The following NTM variants were observed in gnomAD, a reference collection of about 807,000 sequenced individuals.
NTM encodes neurotrimin.
A neutral mutation model predicts 42.1 loss-of-function variants in NTM; 13 were observed. That is an observed-to-expected ratio of 0.31 (90% CI 0.20 to 0.49). The LOEUF is 0.49. Among genes scored for constraint, NTM ranks in the 20% least tolerant of loss-of-function variants. NTM has a pLI of 0.99. For synonymous variants in NTM, 187 were observed against 179.2 expected, an observed-to-expected ratio of 1.04 and a Z score of -0.35; for missense variants, 373 against 452.8, an observed-to-expected ratio of 0.82 and a Z score of 1.60.
intron 2 of NTM, among the ~76,000 whole-genome samples, chr11:131,994,017 A>AAAAAAAAAAAG (rs566525065): frequency 7.2e-6 from 1 of 137,998 alleles, no homozygotes; most frequent in African/African-American, 2.8e-5. Flanking sequence ...AAAAAAAAAA[A>AAAAAAAAAAAG]AAGAAGAAGA....
chr11:132,232,704 T>G (rs2087870362), intron 4 of NTM, among the ~76,000 whole-genome samples: 1 of 152,196 alleles, frequency 6.6e-6, no homozygotes, highest in South Asian at 2.1e-4. Flanking sequence ...CATGAACACA[T>G]TACGCACATT....
intron 1 of NTM, among the ~76,000 whole-genome samples, chr11:131,880,695 C>T (rs994218121): frequency 7.2e-5 from 11 of 152,216 alleles, no homozygotes; most frequent in Admixed American, 7.2e-4. Flanking sequence ...CATATACACA[C>T]TCTCATTTGC....
intron 1 of NTM, among the ~76,000 whole-genome samples, chr11:131,403,978 T>C (rs2135706588): frequency 6.6e-6 from 1 of 152,274 alleles, no homozygotes; most frequent in South Asian, 2.1e-4. Flanking sequence ...TTCTTCTACA[T>C]CATTGCATAT....
At chr11:131,465,374 A>G (rs1951788232) in intron 1 of NTM, among the ~76,000 whole-genome samples, 1 of 152,164 alleles carries the variant, frequency 6.6e-6, no homozygotes, top group Non-Finnish European at 1.5e-5. Context: ...TAAACTCTGA[A>G]TCACACTACA....
intron 1 of NTM, among the ~76,000 whole-genome samples, chr11:131,722,539 A>C (rs2078492073): frequency 6.6e-6 from 1 of 152,224 alleles, no homozygotes; most frequent in Non-Finnish European, 1.5e-5. Context: ...AGGGTGAAGG[A>C]GGAAGATGAA....
intron 2 of NTM, among the ~76,000 whole-genome samples, chr11:132,039,404 G>A (rs2076905287): frequency 6.7e-6 from 1 of 149,748 alleles, no homozygotes; most frequent in Admixed American, 6.8e-5. Flanking sequence ...GTGCTAGGAA[G>A]GCCCCTCATA....
At chr11:132,016,430 A>G (rs910861778) in intron 2 of NTM, among the ~76,000 whole-genome samples, 30 of 151,838 alleles carry the variant, frequency 2.0e-4, no homozygotes, top group African/African-American at 6.5e-4. Flanking sequence ...AAATAGAATC[A>G]TGCAATATGT....
intron 2 of NTM, among the ~76,000 whole-genome samples, chr11:131,994,975 T>A (rs1421531246): frequency 2.6e-5 from 4 of 152,234 alleles, no homozygotes; most frequent in Admixed American, 2.6e-4. Flanking sequence ...ATGTCTTTTA[T>A]CTGCCATGTG....
chr11:131,408,621 T>G (rs139712142), intron 1 of NTM, among the ~76,000 whole-genome samples: 3 of 152,324 alleles, frequency 2.0e-5, no homozygotes, highest in African/African-American at 4.8e-5. Flanking sequence ...TCAACCAGTT[T>G]GTTTTCACCT....
Position 132,146,275 on chromosome 11 carries a change from C to T in NTM, c.168-7C>T, listed in dbSNP as rs745741860. 3.7e-6 allele frequency: 6 copies of T among 1,614,110 alleles called. No homozygotes were observed. The South Asian group carries it at 6.6e-5, about 18-fold the overall frequency. ...CCCTTGACGTACCTGTCTGGTCTTC[C>T]CTTCAGGTGCACTATTGACAACCGG... On this transcript the variant is annotated splice_polypyrimidine_tract_variant and splice_region_variant and intron_variant, in intron 2 of 8. Coordinates refer to ENST00000683400, the MANE Select transcript of NTM (RefSeq NM_001352005.2). The surrounding 1 kb of genome is among the most constrained non-coding windows in gnomAD (Gnocchi z 4.5).
chr11:132,325,259 G>A (rs11223011), intron 7 of NTM, among the ~76,000 whole-genome samples: 41,429 of 148,948 alleles, frequency 0.28, 7,271 homozygotes, highest in Non-Finnish European at 0.4. Flanking sequence ...GAAAATTTTC[G>A]CAACCTACTC....
At chr11:132,004,641 C>G (rs1480501887) in intron 2 of NTM, among the ~76,000 whole-genome samples, 1 of 151,594 alleles carries the variant, frequency 6.6e-6, no homozygotes, top group Non-Finnish European at 1.5e-5. Context: ...CTCTCACACA[C>G]ACACACACAC....
chr11:132,124,145 G>A (rs1432718440), intron 2 of NTM, among the ~76,000 whole-genome samples: 4 of 152,118 alleles, frequency 2.6e-5, no homozygotes, highest in African/African-American at 4.8e-5. Context: ...ATCAATAAAC[G>A]TTAGTCAGGG....
rs541612437 is a variant in NTM, at chr11:131,422,199, C to T, written c.82+51311C>T. On this transcript the variant is annotated intron_variant, in intron 1 of 8. Transcript: ENST00000683400. Reference sequence around the variant, plus strand: ...TAGGCTGTTGCAGGGATAGCTGGGACATCTGAGAACAGTCACATTTGAATG... The same window carrying T: ...TAGGCTGTTGCAGGGATAGCTGGGATATCTGAGAACAGTCACATTTGAATG... Among the ~76,000 whole-genome samples, 265 of 101,994 alleles carry T rather than the reference C, an allele frequency of 2.6e-3. 1 individual carries two copies. Among genetic ancestry groups the T allele is most frequent in the African/African-American group, 8.1e-3 (259 of 31,908 alleles). 66.9% of individuals were successfully genotyped at this position (101,994 alleles called of 152,430 possible).
At chr11:132,169,255 TGA>T (rs1005866713) in intron 3 of NTM, among the ~76,000 whole-genome samples, 5 of 149,796 alleles carry the variant, frequency 3.3e-5, no homozygotes, top group Non-Finnish European at 7.4e-5. Flanking sequence ...AAAGTCTTTC[TGA>T]GAGAGGCAGG....
At chr11:131,666,940 C>A (rs1327583935) in intron 1 of NTM, among the ~76,000 whole-genome samples, 1 of 152,148 alleles carries the variant, frequency 6.6e-6, no homozygotes, top group Non-Finnish European at 1.5e-5. Flanking sequence ...CGATTCAGCC[C>A]CATGCACTGG....
At chr11:132,161,370 CTTT>C (rs55732584) in intron 3 of NTM, among the ~76,000 whole-genome samples, 5,155 of 64,162 alleles carry the variant, frequency 0.08, 308 homozygotes, top group African/African-American at 0.21. Flanking sequence ...TTTCGAGCAG[CTTT>C]TTTTTTTTTT....
intron 1 of NTM, among the ~76,000 whole-genome samples, chr11:131,390,784 C>A (rs1032089695): frequency 6.6e-6 from 1 of 152,128 alleles, no homozygotes; most frequent in Non-Finnish European, 1.5e-5. Context: ...TTCTCAAGCC[C>A]CACCCCCAGA....
intron 2 of NTM, among the ~76,000 whole-genome samples, chr11:131,921,872 A>C (rs953531352): frequency 1.3e-5 from 2 of 152,058 alleles, no homozygotes; most frequent in African/African-American, 4.8e-5. Flanking sequence ...CCACCTGAGA[A>C]GTCACAGACC....
Sources: gnomAD v4.1 joint callset for allele counts (sites outside exome capture counted in the v4.1 genomes callset) on GRCh38, gnomAD v4.1.1 for gene constraint, Gnocchi (gnomAD v3.1) non-coding constraint, MANE v1.5 for transcripts, NCBI Gene and HGNC (gene_info 2026-07-23, HGNC 2026-07-21) for gene names.